The following TENT5A variants were observed in gnomAD, a reference collection of about 807,000 sequenced individuals.
TENT5A encodes the protein HBV X-transactivated gene 11 protein.
TENT5A carries 9 observed loss-of-function variants against 30.2 expected under a neutral mutation model. The ratio of observed to expected loss-of-function variants is 0.30; its 90% CI spans 0.18 to 0.52. The LOEUF is 0.52. TENT5A is among the 20% of genes least tolerant of loss of function. The pLI is 0.97. For missense variants in TENT5A, 411 were observed against 566.1 expected (o/e 0.73, Z 2.78); for synonymous variants, 264 against 234.2 (o/e 1.13, Z -1.16).
Position 81,746,198 on chromosome 6 carries a change from T to C in TENT5A, c.*3497A>G. On this transcript the variant is annotated 3_prime_UTR_variant, in exon 3 of 3. Coordinates refer to ENST00000320172, the MANE Select transcript of TENT5A (RefSeq NM_017633.3). ...ATAGATGCTATATATGAAATTACTTTTTTTGGCTTTTTGGTTTCACCTAAC... is the reference window on the plus strand; with the variant it reads ...ATAGATGCTATATATGAAATTACTTCTTTTGGCTTTTTGGTTTCACCTAAC... The C allele has an allele frequency of 9.4e-7, 1 of 1,068,186 alleles. No homozygotes were observed. 66.2% of individuals were successfully genotyped at this position (1,068,186 alleles called of 1,614,324 possible). A position where few individuals can be genotyped will look rare whatever the true frequency, so the allele number is the denominator to read the frequency against.
chr6:81,746,063 C>A lies in TENT5A; in HGVS notation c.*3632G>T. 1.0e-6 allele frequency: 1 copy of A among 985,640 alleles called. No individual in the cohort carries two copies. Among genetic ancestry groups the A allele is most frequent in the East Asian group, 1.1e-4 (1 of 8,818 alleles). 61.1% of individuals were successfully genotyped at this position (985,640 alleles called of 1,614,324 possible). On this transcript the variant is annotated 3_prime_UTR_variant, in exon 3 of 3. Transcript: ENST00000320172. ...TGACATCTTCCAACTTTGTACTTTA[C>A]CATTTGCTTTGTTAGAAAGCCATTA...
intron 2 of TENT5A, 33 bp downstream of exon 2, chr6:81,751,557 G>T: frequency 1.3e-6 from 2 of 1,567,250 alleles, no homozygotes; most frequent in East Asian, 4.5e-5. Flanking sequence ...CCCAGACTGG[G>T]TCAGGACCCA....
In TENT5A at chr6:81,749,787, C is replaced by T. The variant is rs1351334008; in HGVS notation, c.1237G>A (p.Asp413Asn). 1 of 1,614,090 alleles carries T rather than the reference C, an allele frequency of 6.2e-7. No homozygotes were observed. Residue 413 changes from aspartate to asparagine, a missense_variant, in exon 3 of 3, where the codon GAT (aspartate) becomes AAT (asparagine). By Grantham distance (23) the Asp-to-Asn change is conservative. Coordinates refer to ENST00000320172, the MANE Select transcript of TENT5A (RefSeq NM_017633.3). ...ATGTAGTAATTGCTAAAGTTGGCAT[C>T]TGCTACATAGGGGGCTGGCTGGTAA... ...CYYQPAPYVA[D>N]ANFSNYYIAQ...
In TENT5A at chr6:81,748,870, C is replaced by G; in HGVS notation, c.*825G>C. ...GCCACTTCAAATTTTCAGAAGGCAA[C>G]AGGCACTTTGATGTATATTGGTGTG... On this transcript the variant is annotated 3_prime_UTR_variant, in exon 3 of 3. Coordinates refer to ENST00000320172, the MANE Select transcript of TENT5A (RefSeq NM_017633.3). 2.0e-6 allele frequency: 2 copies of G among 985,432 alleles called. No individual in the cohort carries two copies. Among genetic ancestry groups the G allele is most frequent in the Non-Finnish European group, 2.4e-6 (2 of 829,564 alleles). 61.0% of individuals were successfully genotyped at this position (985,432 alleles called of 1,614,324 possible).
intron 2 of TENT5A, 117 bp downstream of exon 2, chr6:81,751,473 C>T: frequency 1.1e-6 from 1 of 931,552 alleles, no homozygotes; most frequent in Non-Finnish European, 1.6e-6. Flanking sequence ...AAATAACGCG[C>T]GCCCAAACTC....
rs1229438886 is a variant in TENT5A at position 81,752,606 on chromosome 6, C to G, written c.-213G>C. 4 of 747,500 alleles carry G rather than the reference C, an allele frequency of 5.4e-6. No homozygotes were observed. The highest frequency in any genetic ancestry group is 9.7e-6 in the Non-Finnish European group (4 of 412,906). 46.3% of individuals were successfully genotyped at this position (747,500 alleles called of 1,614,324 possible). ...GCGACCCCTCCTGCGCCGCTGCCAC[C>G]CCAGCTGCGGTGGTCCCGAACTGGC... On this transcript the variant is annotated 5_prime_UTR_variant, in exon 1 of 3. Transcript: ENST00000320172.
At position 81,749,046 on chromosome 6, in the gene TENT5A, A is replaced by G; in HGVS notation, c.*649T>C. ...TTTTAAAAATGTGATCTATGCACGC[A>G]GCTGGAATTAATGGATTGTGTCATC... On this transcript the variant is annotated 3_prime_UTR_variant, in exon 3 of 3. Transcript: ENST00000320172. 4 of 985,862 alleles carry G rather than the reference A, an allele frequency of 4.1e-6. No individual in the cohort carries two copies. Among genetic ancestry groups the G allele is most frequent in the Non-Finnish European group, 4.8e-6 (4 of 829,936 alleles). The allele number at this position is 985,862 out of a possible 1,614,324, so 61.1% of individuals were successfully genotyped here. A position where few individuals can be genotyped will look rare whatever the true frequency, so the allele number is the denominator to read the frequency against.
rs1347346759 is a variant in TENT5A at position 81,749,974 on chromosome 6, G to A, written c.1050C>T (p.Arg350=). The A allele has an allele frequency of 1.2e-6, 2 of 1,614,118 alleles. No homozygotes were observed. The highest frequency in any genetic ancestry group is 1.7e-6 in the Non-Finnish European group (2 of 1,180,018). The change falls in exon 3 of 3, where the codon CGC becomes CGT. Residue 350 remains arginine (R), a synonymous_variant. Transcript: ENST00000320172. ...LQNHFVGLED[R]KYEYLMTLHG... ...GAAGGGTCATGAGATACTCATACTT[G>A]CGGTCTTCCAATCCCACAAAGTGGT...
rs1408623170 is a variant in TENT5A at position 81,749,143 on chromosome 6, CA to C, written c.*551del. ...TCATTTGGAGCAAGCCGTTTGTTAGCAAAACAAGATCATTCCACAGAAAGCA... is the reference window on the plus strand; with the variant it reads ...TCATTTGGAGCAAGCCGTTTGTTAGCAAACAAGATCATTCCACAGAAAGCA... On this transcript the variant is annotated 3_prime_UTR_variant, in exon 3 of 3. Coordinates refer to ENST00000320172, the MANE Select transcript of TENT5A (RefSeq NM_017633.3). The C allele has an allele frequency of 2.0e-6, 2 of 985,814 alleles. No homozygotes were observed. The highest frequency in any genetic ancestry group is 2.4e-6 in the Non-Finnish European group (2 of 830,012). 61.1% of individuals were successfully genotyped at this position (985,814 alleles called of 1,614,324 possible).
Position 81,746,245 on chromosome 6 carries a change from C to G in TENT5A, c.*3450G>C, listed in dbSNP as rs1421109447. 1.7e-6 allele frequency: 2 copies of G among 1,151,042 alleles called. No individual in the cohort carries two copies. Among genetic ancestry groups the G allele is most frequent in the African/African-American group, 3.2e-5 (2 of 62,710 alleles). The allele number at this position is 1,151,042 out of a possible 1,614,324, so 71.3% of individuals were successfully genotyped here. ...TAACACACTTCATCTTCAACAACAA[C>G]AAAAAAGCTTATTTTTGAACTGACA... is the stretch of plus-strand genomic sequence containing the variant. On this transcript the variant is annotated 3_prime_UTR_variant, in exon 3 of 3. Coordinates refer to ENST00000320172, the MANE Select transcript of TENT5A (RefSeq NM_017633.3).
Position 81,752,503 on chromosome 6 carries a change from C to A in TENT5A, c.-110G>T, listed in dbSNP as rs1035590490. 3 of 1,487,136 alleles carry A rather than the reference C, an allele frequency of 2.0e-6. No individual in the cohort carries two copies. In the African/African-American group the frequency reaches 4.2e-5, roughly 21 times the overall value. The allele number at this position is 1,487,136 out of a possible 1,614,324, so 92.1% of individuals were successfully genotyped here. A position where few individuals can be genotyped will look rare whatever the true frequency, so the allele number is the denominator to read the frequency against. On this transcript the variant is annotated 5_prime_UTR_variant, in exon 1 of 3. Transcript: ENST00000320172. The stretch of plus-strand genomic sequence containing the variant: ...CGAGAGGCGGCAACACTTCCAGGAG[C>A]TGCGAGCGCGCTCAGACAGCAAATA...
intron 2 of TENT5A, among the ~76,000 whole-genome samples, chr6:81,751,208 T>C (rs375738810): frequency 1.3e-5 from 2 of 152,222 alleles, no homozygotes; most frequent in Admixed American, 6.5e-5. Flanking sequence ...CAGGCTGTTA[T>C]TTTCCCAAAG....
rs1769049364 is a variant in TENT5A, at chr6:81,752,010, A to ACCGCCGAGGTCGCCG, written c.131_132insCGGCGACCTCGGCGG (p.Gly45_Gly46insAspLeuGlyGlyGly). 7.5e-7 allele frequency: 1 copy of ACCGCCGAGGTCGCCG among 1,341,108 alleles called. No homozygotes were observed. The highest frequency in any genetic ancestry group is 1.0e-6 in the Non-Finnish European group (1 of 969,570). The allele number at this position is 1,341,108 out of a possible 1,614,324, so 83.1% of individuals were successfully genotyped here. A position where few individuals can be genotyped will look rare whatever the true frequency, so the allele number is the denominator to read the frequency against. ...AGCAATGCCCACCGAAGCTGCCGCC[A>ACCGCCGAGGTCGCCG]CCGCCGAAGTCGCCGCCGCCGAAGT... is the stretch of plus-strand genomic sequence containing the variant. On this transcript the variant is annotated inframe_insertion, in exon 2 of 3. Coordinates refer to ENST00000320172, the MANE Select transcript of TENT5A (RefSeq NM_017633.3).
At position 81,749,650 on chromosome 6, in the gene TENT5A, G is replaced by C; in HGVS notation, c.*45C>G. 7.1e-7 allele frequency: 1 copy of C among 1,402,124 alleles called. No individual in the cohort carries two copies. Among genetic ancestry groups the C allele is most frequent in the Non-Finnish European group, 9.3e-7 (1 of 1,069,858 alleles). The allele number at this position is 1,402,124 out of a possible 1,614,324, so 86.9% of individuals were successfully genotyped here. A position where few individuals can be genotyped will look rare whatever the true frequency, so the allele number is the denominator to read the frequency against. On this transcript the variant is annotated 3_prime_UTR_variant, in exon 3 of 3. Transcript: ENST00000320172. ...TTTCTTTTTTTTTTTTTTCTCTCCT[G>C]TCTTGTCTGAAATGGCTTCCCCACA... is the stretch of plus-strand genomic sequence containing the variant.
rs1260536054 is a variant in TENT5A at position 81,748,273 on chromosome 6, C to A, written c.*1422G>T. On this transcript the variant is annotated 3_prime_UTR_variant, in exon 3 of 3. Transcript: ENST00000320172. ...CTAGATTAAACATCATAGAGGAATG[C>A]AATTTTTTTTTTAATAAATGGGTTC... is the stretch of plus-strand genomic sequence containing the variant. 2 of 981,156 alleles carry A rather than the reference C, an allele frequency of 2.0e-6. No homozygotes were observed. Among genetic ancestry groups the A allele is most frequent in the African/African-American group, 1.8e-5 (1 of 56,428 alleles). The allele number at this position is 981,156 out of a possible 1,614,324, so 60.8% of individuals were successfully genotyped here. A position where few individuals can be genotyped will look rare whatever the true frequency, so the allele number is the denominator to read the frequency against.
rs1769011713 is a variant in TENT5A at position 81,750,572 on chromosome 6, CTTTTG to C, written c.553-106_553-102del. 1 of 795,464 alleles carries C rather than the reference CTTTTG, an allele frequency of 1.3e-6. No individual in the cohort carries two copies. The highest frequency in any genetic ancestry group is 2.9e-5 in the East Asian group (1 of 34,670). 49.3% of individuals were successfully genotyped at this position (795,464 alleles called of 1,614,324 possible). Reference sequence around the variant, plus strand: ...AGCTGAGAATTATTTTGCTCTTTCCCTTTTGTTTTGTCAAGTTTCAGCCAAACACT... The same window carrying C: ...AGCTGAGAATTATTTTGCTCTTTCCCTTTTGTCAAGTTTCAGCCAAACACT... On this transcript the variant is annotated intron_variant, in intron 2 of 2. Coordinates refer to ENST00000320172, the MANE Select transcript of TENT5A (RefSeq NM_017633.3). The surrounding 1 kb of genome is among the most constrained non-coding windows in gnomAD (Gnocchi z 4.2).
At position 81,750,749 on chromosome 6, in the gene TENT5A, C is replaced by T. The variant is rs1006760618; in HGVS notation, c.553-278G>A. 6.6e-6 allele frequency among the ~76,000 whole-genome samples: 1 copy of T among 152,176 alleles called. No homozygotes were observed. The highest frequency in any genetic ancestry group is 6.5e-5 in the Admixed American group (1 of 15,280). On this transcript the variant is annotated intron_variant, in intron 2 of 2. Transcript: ENST00000320172. The surrounding 1 kb of genome is among the most constrained non-coding windows in gnomAD (Gnocchi z 4.2). ...TAAGAGGTTTTGTTGTCATGTCTGA[C>T]TTTTTAAGTGTTACTTTTTGAAAAC... is the stretch of plus-strand genomic sequence containing the variant.
Position 81,750,219 on chromosome 6 carries a change from G to A in TENT5A, c.805C>T (p.Gln269Ter). Residue 269 changes from glutamine to a stop codon, truncating the protein, a stop_gained, in exon 3 of 3, where the codon CAG becomes TAG. Transcript: ENST00000320172. LOFTEE classifies it high-confidence loss of function. This position sits in a 1 kb window ranked among gnomAD's most constrained non-coding sequence, Gnocchi z 4.2. ...TTACAAAGGTGATCAAAGGCTTCCT[G>A]GAAATCGCCATAGACGCTCTCCCCG... ...IIGESVYGDFQEAFDHLCNKI... is the reference protein window; with the variant it reads ...IIGESVYGDF The A allele has an allele frequency of 6.2e-7, 1 of 1,614,136 alleles. No homozygotes were observed. The highest frequency in any genetic ancestry group is 1.1e-5 in the South Asian group (1 of 91,078).
chr6:81,747,419 T>C lies in TENT5A; in HGVS notation c.*2276A>G. 3.0e-6 allele frequency: 3 copies of C among 985,802 alleles called. No homozygotes were observed. Among genetic ancestry groups the C allele is most frequent in the Non-Finnish European group, 3.6e-6 (3 of 829,934 alleles). 61.1% of individuals were successfully genotyped at this position (985,802 alleles called of 1,614,324 possible). ...AGGAGGAGTTCCTTAGAAAACTGAG[T>C]GGCAGTGCAGCGGCTGTTGCAGCTC... is the stretch of plus-strand genomic sequence containing the variant. On this transcript the variant is annotated 3_prime_UTR_variant, in exon 3 of 3. Coordinates refer to ENST00000320172, the MANE Select transcript of TENT5A (RefSeq NM_017633.3).
Sources: gnomAD v4.1 joint callset for allele counts (sites outside exome capture counted in the v4.1 genomes callset) on GRCh38, gnomAD v4.1.1 for gene constraint, Gnocchi (gnomAD v3.1) non-coding constraint, MANE v1.5 for transcripts, NCBI Gene and HGNC (gene_info 2026-07-23, HGNC 2026-07-21) for gene names.